FNDC3A: variants seen among roughly 807,000 people sequenced by gnomAD.
FNDC3A encodes fibronectin type-III domain-containing protein 3A.
A neutral mutation model predicts 148.9 loss-of-function variants in FNDC3A; 32 were observed. The ratio of observed to expected loss-of-function variants is 0.21; its 90% CI spans 0.16 to 0.29. The LOEUF is 0.29. Ranked by LOEUF, FNDC3A falls within the 10% of genes least tolerant of loss-of-function variation. The probability of loss-of-function intolerance (pLI) is 1.00; values close to 1 mark genes in which losing one functional copy is unlikely to be tolerated. For missense variants in FNDC3A, 1,191 were observed against 1,452.8 expected (o/e 0.82, Z 2.93); for synonymous variants, 472 against 473.6 (o/e 1.00, Z 0.04).
chr13:48,986,385 G>GTTTTTTT (rs869031197), intron 1 of FNDC3A, among the ~76,000 whole-genome samples: 864 of 54,412 alleles, frequency 0.016, 265 homozygotes, highest in East Asian at 0.035. Flanking sequence ...GAAGGAAGTT[G>GTTTTTTT]TTTTTTTTTT....
At chr13:49,093,391 A>G (rs1216381376) in intron 3 of FNDC3A, among the ~76,000 whole-genome samples, 1 of 152,224 alleles carries the variant, frequency 6.6e-6, no homozygotes, top group African/African-American at 2.4e-5. Flanking sequence ...TGACTTTGTT[A>G]TTTAATTAGC....
intron 2 of FNDC3A, among the ~76,000 whole-genome samples, chr13:49,065,648 G>A (rs1179259228): frequency 6.6e-6 from 1 of 151,998 alleles, no homozygotes; most frequent in East Asian, 1.9e-4. Flanking sequence ...AGGGGAGGCT[G>A]GTATTTCTGT....
intron 2 of FNDC3A, among the ~76,000 whole-genome samples, chr13:49,062,025 C>T (rs747508979): frequency 2.6e-5 from 4 of 151,594 alleles, no homozygotes; most frequent in East Asian, 2.0e-4. Context: ...TTAGTAATTG[C>T]GGAAACCATT....
intron 2 of FNDC3A, among the ~76,000 whole-genome samples, chr13:49,039,365 G>T (rs1874746720): frequency 6.6e-6 from 1 of 152,094 alleles, no homozygotes; most frequent in Non-Finnish European, 1.5e-5. Context: ...CAAGCTGTAG[G>T]CTCTGTTTGT....
intron 8 of FNDC3A, among the ~76,000 whole-genome samples, chr13:49,166,316 A>T (rs1019352191): frequency 6.6e-5 from 10 of 152,304 alleles, no homozygotes; most frequent in Non-Finnish European, 1.3e-4. Context: ...GGGCAACAGG[A>T]TCTTTGCCAG....
intron 8 of FNDC3A, among the ~76,000 whole-genome samples, chr13:49,162,342 T>G (rs1187116622): frequency 3.9e-5 from 6 of 152,196 alleles, no homozygotes; most frequent in Admixed American, 3.9e-4. Context: ...ATCTTCTCAC[T>G]TCATTTCATT....
intron 3 of FNDC3A, among the ~76,000 whole-genome samples, chr13:49,098,166 A>G (rs1320968054): frequency 1.3e-5 from 2 of 152,142 alleles, no homozygotes; most frequent in African/African-American, 4.8e-5. Context: ...TTAAAATAAA[A>G]AAGTTTAGAT....
intron 2 of FNDC3A, among the ~76,000 whole-genome samples, chr13:49,073,706 T>TATATATGTATATATA (rs1877868124): frequency 1.1e-3 from 161 of 142,504 alleles, no homozygotes; most frequent in African/African-American, 4.1e-3. Context: ...GTATATATAA[T>TATATATGTATATATA]ATATATGTGT....
chr13:49,017,971 G>A (rs1370075949), intron 2 of FNDC3A, among the ~76,000 whole-genome samples: 2 of 152,146 alleles, frequency 1.3e-5, no homozygotes, highest in South Asian at 2.1e-4. Flanking sequence ...CGAGAGATCC[G>A]CTGGTAGTCT....
At chr13:49,070,748 C>T (rs1379698703) in intron 2 of FNDC3A, among the ~76,000 whole-genome samples, 2 of 152,108 alleles carry the variant, frequency 1.3e-5, no homozygotes, top group Non-Finnish European at 2.9e-5. Context: ...CTATTCTCTA[C>T]GTCCTTTAGT....
chr13:49,160,092 G>T (rs1233041846), intron 8 of FNDC3A, among the ~76,000 whole-genome samples: 1 of 152,020 alleles, frequency 6.6e-6, no homozygotes, highest in Non-Finnish European at 1.5e-5. Context: ...TTTTTGTTGT[G>T]TCTCTGCCCG....
chr13:49,114,154 CTATTCT>C (rs1176665200), intron 3 of FNDC3A, among the ~76,000 whole-genome samples: 2 of 152,152 alleles, frequency 1.3e-5, no homozygotes, highest in Admixed American at 6.5e-5. Context: ...AAATTTCTAA[CTATTCT>C]TCCTCTTGCT....
intron 3 of FNDC3A, among the ~76,000 whole-genome samples, chr13:49,111,241 G>A (rs1265356627): frequency 2.6e-5 from 4 of 152,148 alleles, no homozygotes; most frequent in Non-Finnish European, 5.9e-5. Context: ...CATTAAATAT[G>A]CAAGGCTTTA....
chr13:49,201,932 C>A lies in FNDC3A; in HGVS notation c.3120C>A (p.Phe1040Leu). Residue 1040 changes from phenylalanine to leucine, a missense_variant, in exon 24 of 26, where the codon TTC becomes TTA. This residue lies in a region of FNDC3A where 751 missense variants were observed against 944.0 expected (regional missense o/e 0.80). Transcript: ENST00000492622. Reference protein sequence around the residue: ...GEGPLSQEYIFTTPKSVPAAL... With the variant: ...GEGPLSQEYILTTPKSVPAAL... The stretch of plus-strand genomic sequence containing the variant: ...GTCCCCTCTCCCAAGAATATATTTT[C>A]ACTACTCCAAAATCTGTCCCAGCTG... The A allele has an allele frequency of 6.3e-7, 1 of 1,587,520 alleles. No individual in the cohort carries two copies. Among genetic ancestry groups the A allele is most frequent in the Non-Finnish European group, 8.6e-7 (1 of 1,168,090 alleles).
At position 49,187,782 on chromosome 13, in the gene FNDC3A, G is replaced by A. The variant is rs537327435; in HGVS notation, c.1825+592G>A. 135 of 718,162 alleles carry A rather than the reference G, an allele frequency of 1.9e-4. 2 individuals carry two copies. The South Asian group carries it at 2.2e-3, about 12-fold the overall frequency. 44.5% of individuals were successfully genotyped at this position (718,162 alleles called of 1,614,324 possible). On this transcript the variant is annotated intron_variant, in intron 16 of 25. Coordinates refer to ENST00000492622, the MANE Select transcript of FNDC3A (RefSeq NM_001079673.2). ...ATTTTTTTTTTCTTTGTTTGTAGCA[G>A]TTAGGATTTTGCCTGTTATGATCCA...
At chr13:49,034,565 A>G (rs1248520212) in intron 2 of FNDC3A, among the ~76,000 whole-genome samples, 1 of 152,024 alleles carries the variant, frequency 6.6e-6, no homozygotes, top group Non-Finnish European at 1.5e-5. Flanking sequence ...TTAATTCTAA[A>G]TTGCAATATG....
intron 4 of FNDC3A, among the ~76,000 whole-genome samples, chr13:49,115,396 C>A (rs993123206): frequency 6.6e-6 from 1 of 152,136 alleles, no homozygotes; most frequent in Non-Finnish European, 1.5e-5. Flanking sequence ...GGGAAATAAT[C>A]ATTTTCTCTC....
intron 2 of FNDC3A, among the ~76,000 whole-genome samples, chr13:49,056,003 A>G (rs1021805057): frequency 6.6e-6 from 1 of 152,006 alleles, no homozygotes. Flanking sequence ...CCCAGGCAGC[A>G]TGGCAAGACC....
intron 17 of FNDC3A, among the ~76,000 whole-genome samples, chr13:49,190,315 T>G (rs1447936240): frequency 6.6e-6 from 1 of 152,226 alleles, no homozygotes; most frequent in East Asian, 1.9e-4. Flanking sequence ...GCTTACCTGA[T>G]TTTAGAATTA....
Sources: gnomAD v4.1 joint callset for allele counts (sites outside exome capture counted in the v4.1 genomes callset) on GRCh38, gnomAD v4.1.1 for gene constraint, gnomAD v4.1.1 regional missense constraint, MANE v1.5 for transcripts, NCBI Gene and HGNC (gene_info 2026-07-23, HGNC 2026-07-21) for gene names.